The following CR1L variants were observed in gnomAD, a reference collection of about 807,000 sequenced individuals.
CR1L encodes complement component receptor 1-like protein.
A neutral mutation model predicts 62.3 loss-of-function variants in CR1L; 59 were observed. The observed-to-expected ratio is 0.95, with a 90% CI of 0.77 to 1.18. The LOEUF (loss-of-function observed/expected upper bound fraction) is 1.18. Ranked by LOEUF, CR1L falls within the 50% of genes most tolerant of loss-of-function variation. CR1L has a pLI of 0.00. For missense variants in CR1L, 700 were observed against 702.8 expected (o/e 1.00, Z 0.04); for synonymous variants, 279 against 248.7 (o/e 1.12, Z -1.15).
intron 4 of CR1L, among the ~76,000 whole-genome samples, chr1:207,689,074 G>T (rs543690461): frequency 6.6e-6 from 1 of 151,994 alleles, no homozygotes; most frequent in African/African-American, 2.4e-5. Flanking sequence ...GATGATACAA[G>T]CCTTTTAATG....
At chr1:207,707,234 G>A (rs1046061668) in intron 9 of CR1L, among the ~76,000 whole-genome samples, 4 of 152,152 alleles carry the variant, frequency 2.6e-5, no homozygotes, top group Non-Finnish European at 4.4e-5. Flanking sequence ...CTCTGTCATC[G>A]GAAATAAGCC....
intron 1 of CR1L, among the ~76,000 whole-genome samples, chr1:207,668,103 G>C (rs1373015171): frequency 1.3e-5 from 2 of 151,068 alleles, no homozygotes; most frequent in Non-Finnish European, 2.9e-5. Context: ...ATGGGAAATA[G>C]TATGGAGGTT....
intron 10 of CR1L, among the ~76,000 whole-genome samples, chr1:207,716,329 C>T (rs1421919144): frequency 2.0e-5 from 3 of 152,172 alleles, no homozygotes; most frequent in East Asian, 3.9e-4. Flanking sequence ...GCCGGGATGA[C>T]GAATCAGTGT....
At chr1:207,672,564 C>A (rs1663629400) in intron 1 of CR1L, among the ~76,000 whole-genome samples, 1 of 151,928 alleles carries the variant, frequency 6.6e-6, no homozygotes, top group Admixed American at 6.6e-5. Flanking sequence ...CACCATCAAT[C>A]CACTTGGATA....
At chr1:207,703,212 C>T (rs1373272418) in intron 9 of CR1L, among the ~76,000 whole-genome samples, 1 of 152,140 alleles carries the variant, frequency 6.6e-6, no homozygotes, top group African/African-American at 2.4e-5. Context: ...TCCATGTAGA[C>T]AAAACAGCCA....
At chr1:207,661,530 T>C (rs540074174) in intron 1 of CR1L, among the ~76,000 whole-genome samples, 5 of 152,338 alleles carry the variant, frequency 3.3e-5, no homozygotes, top group African/African-American at 1.2e-4. Context: ...ATTTTGAGCC[T>C]ATGTGTGTCT....
At chr1:207,646,128 G>T (rs1467859430) in intron 1 of CR1L, among the ~76,000 whole-genome samples, 2 of 151,022 alleles carry the variant, frequency 1.3e-5, no homozygotes, top group East Asian at 3.9e-4. Flanking sequence ...TTTTTGGGGG[G>T]TGGGTGGGCC....
chr1:207,700,878 T>G (rs913426366), intron 8 of CR1L, among the ~76,000 whole-genome samples: 3 of 152,236 alleles, frequency 2.0e-5, no homozygotes, highest in African/African-American at 7.2e-5. Flanking sequence ...ATTTTTCTTC[T>G]TCAAATGTTT....
intron 3 of CR1L, among the ~76,000 whole-genome samples, chr1:207,681,601 T>G (rs1663800573): frequency 6.6e-6 from 1 of 152,214 alleles, no homozygotes; most frequent in African/African-American, 2.4e-5. Flanking sequence ...CTTTGACTCA[T>G]ATTTAAAATG....
intron 11 of CR1L, among the ~76,000 whole-genome samples, chr1:207,721,333 C>G (rs1472747718): frequency 9.6e-6 from 1 of 103,830 alleles, no homozygotes; most frequent in Non-Finnish European, 1.9e-5. Context: ...CCAATTCTAT[C>G]CCTCCCCCCT....
At chr1:207,683,328 G>T (rs1663834820) in intron 3 of CR1L, among the ~76,000 whole-genome samples, 1 of 151,956 alleles carries the variant, frequency 6.6e-6, no homozygotes, top group African/African-American at 2.4e-5. Context: ...GTTGAGACAG[G>T]GTCTCACTAT....
chr1:207,650,916 G>T lies in CR1L; in HGVS notation c.97+5586G>T, dbSNP rs184923796. ...TTCTTCTGCCTCAGCCTCCCGAGTA[G>T]CTGGGACTACAGGCGTGTGCCACTA... On this transcript the variant is annotated intron_variant, in intron 1 of 11. Transcript: ENST00000508064. 5.9e-5 allele frequency among the ~76,000 whole-genome samples: 9 copies of T among 152,118 alleles called. No homozygotes were observed. In the South Asian group the frequency reaches 6.2e-4, roughly 11 times the overall value.
At chr1:207,719,272 AC>A (rs1362463216) in intron 11 of CR1L, among the ~76,000 whole-genome samples, 105 of 114,448 alleles carry the variant, frequency 9.2e-4, no homozygotes, top group Middle Eastern at 4.1e-3. Flanking sequence ...AAAAAAAAAA[AC>A]ATTAAAAAAA....
At chr1:207,713,909 A>AGGCTGACTTGGCCTGCATCTCCAG (rs1403121805) in intron 10 of CR1L, among the ~76,000 whole-genome samples, 2 of 152,030 alleles carry the variant, frequency 1.3e-5, no homozygotes, top group African/African-American at 2.4e-5. Flanking sequence ...TGCATCTCCA[A>AGGCTGACTTGGCCTGCATCTCCAG]GGCTGACTTG....
At chr1:207,678,702 T>C (rs1251190193) in intron 3 of CR1L, among the ~76,000 whole-genome samples, 1 of 152,148 alleles carries the variant, frequency 6.6e-6, no homozygotes, top group African/African-American at 2.4e-5. Context: ...TGTAACAGAG[T>C]ACTCCAAAAC....
chr1:207,665,656 A>G (rs543647061), intron 1 of CR1L, among the ~76,000 whole-genome samples: 9 of 150,432 alleles, frequency 6.0e-5, no homozygotes, highest in Non-Finnish European at 8.9e-5. Context: ...GCCTCCAAAA[A>G]TGCTGGGATT....
At position 207,697,680 on chromosome 1, in the gene CR1L, G is replaced by A; in HGVS notation, c.1039+1G>A. 1 of 1,613,988 alleles carries A rather than the reference G, an allele frequency of 6.2e-7. No individual in the cohort carries two copies. The highest frequency in any genetic ancestry group is 8.5e-7 in the Non-Finnish European group (1 of 1,179,880). On this transcript the variant is annotated splice_donor_variant, in intron 6 of 11. Coordinates refer to ENST00000508064, the MANE Select transcript of CR1L (RefSeq NM_175710.2). LOFTEE classifies it high-confidence loss of function. ...AGCCCTGCAGCCCCCAGATGTGAAGGTGACTAGACTCTTATCTGGCTTGGT... is the reference window on the plus strand; with the variant it reads ...AGCCCTGCAGCCCCCAGATGTGAAGATGACTAGACTCTTATCTGGCTTGGT...
intron 9 of CR1L, among the ~76,000 whole-genome samples, chr1:207,705,973 T>C (rs1168190999): frequency 1.3e-5 from 2 of 149,184 alleles, no homozygotes; most frequent in African/African-American, 2.5e-5. Flanking sequence ...TGTTTATATA[T>C]TTCATTTCAT....
chr1:207,683,938 T>C lies in CR1L; in HGVS notation c.444T>C (p.Asn148=). The change falls in exon 4 of 12, where the codon AAT becomes AAC. Residue 148 remains asparagine, a synonymous_variant. Coordinates refer to ENST00000508064, the MANE Select transcript of CR1L (RefSeq NM_175710.2). ...CAGGCAACACTGTCATTTGGGATAA[T>C]AAAACACCTGTTTGTGACAGTGAGT... ...IISGNTVIWD[N]KTPVCDRIIC... 1 of 1,613,320 alleles carries C rather than the reference T, an allele frequency of 6.2e-7. No individual in the cohort carries two copies. Among genetic ancestry groups the C allele is most frequent in the Non-Finnish European group, 8.5e-7 (1 of 1,179,448 alleles).
Sources: allele counts gnomAD v4.1 joint callset (sites outside exome capture counted in the v4.1 genomes callset), GRCh38; gene constraint gnomAD v4.1.1; transcripts MANE v1.5; gene names NCBI Gene and HGNC (gene_info 2026-07-23, HGNC 2026-07-21).